The following ATP10B variants were observed in gnomAD, a reference collection of about 807,000 sequenced individuals.
ATP10B encodes the protein ATPase phospholipid transporting 10B (putative).
In ATP10B, 122 loss-of-function variants were observed where a neutral mutation model predicts 141.2. That is an observed-to-expected ratio of 0.86 (90% CI 0.75 to 1.00). The LOEUF (loss-of-function observed/expected upper bound fraction) is 1.00, where lower values mean the gene tolerates loss of function less well. Ranked by LOEUF, ATP10B falls within the 50% of genes least tolerant of loss-of-function variation. The pLI is 0.00. For missense variants in ATP10B, 1,876 were observed against 1,825.3 expected, an observed-to-expected ratio of 1.03 and a Z score of -0.51; for synonymous variants, 685 against 692.0, an observed-to-expected ratio of 0.99 and a Z score of 0.16.
intron 8 of ATP10B, among the ~76,000 whole-genome samples, chr5:160,648,136 C>T (rs1002864682): frequency 6.6e-6 from 1 of 152,146 alleles, no homozygotes; most frequent in African/African-American, 2.4e-5. Context: ...CTCAGATCAT[C>T]ATAATCCACA....
Position 160,653,592 on chromosome 5 carries a change from T to TATATATTAC in ATP10B, c.676-4337_676-4336insGTAATATAT, listed in dbSNP as rs1554100790. On this transcript the variant is annotated intron_variant, in intron 7 of 25. Coordinates refer to ENST00000327245, the MANE Select transcript of ATP10B (RefSeq NM_025153.3). ...ACATATACATATATACATATATACA[T>TATATATTAC]ATATACATATATACATATATACATA... Among the ~76,000 whole-genome samples the TATATATTAC allele has an allele frequency of 2.7e-3, 20 of 7,314 alleles. 1 individual carries two copies. The highest frequency in any genetic ancestry group is 4.4e-3 in the African/African-American group (18 of 4,062). The allele number at this position is 7,314 out of a possible 152,430, so 4.8% of individuals were successfully genotyped here.
In ATP10B at chr5:160,598,863, C is replaced by G; in HGVS notation, c.3471G>C (p.Leu1157Phe). The change falls in exon 22 of 26, where the codon TTG becomes TTC. Residue 1157 changes from leucine to phenylalanine, a missense_variant. Physicochemically the swap from Leu to Phe is conservative, Grantham distance 22. Coordinates refer to ENST00000327245, the MANE Select transcript of ATP10B (RefSeq NM_025153.3). Reference protein sequence around the residue: ...MIFFNLFFTSLPPLVFGVLDK... With the variant: ...MIFFNLFFTSFPPLVFGVLDK... ...CAAGGACTCCAAAGACAAGAGGAGG[C>G]AAGGAGGTAAAGAAGAGATTGAAGA... is the stretch of plus-strand genomic sequence containing the variant. 6.2e-7 allele frequency: 1 copy of G among 1,614,074 alleles called. No homozygotes were observed. The highest frequency in any genetic ancestry group is 8.5e-7 in the Non-Finnish European group (1 of 1,179,980).
rs775745245 is a variant in ATP10B at position 160,603,948 on chromosome 5, G to C, written c.3237+17C>G. The C allele has an allele frequency of 1.9e-6, 3 of 1,600,366 alleles. No individual in the cohort carries two copies. The East Asian group carries it at 6.7e-5, about 36-fold the overall frequency. On this transcript the variant is annotated intron_variant, in intron 20 of 25. Transcript: ENST00000327245. The stretch of plus-strand genomic sequence containing the variant: ...ACTAAGGACCAAAGAAAGAAGAATA[G>C]TTGCAGAGAACAATACCTGCATGCC...
intron 1 of ATP10B, among the ~76,000 whole-genome samples, chr5:160,829,116 G>A (rs1366175725): frequency 6.6e-6 from 1 of 150,766 alleles, no homozygotes; most frequent in African/African-American, 2.4e-5. Context: ...TAAATGATGA[G>A]TTAATTGGTA....
At chr5:160,795,076 A>G (rs1771845139) in intron 1 of ATP10B, among the ~76,000 whole-genome samples, 1 of 152,194 alleles carries the variant, frequency 6.6e-6, no homozygotes, top group African/African-American at 2.4e-5. Context: ...ACTGACTGTA[A>G]GGTTGGAGGT....
intron 24 of ATP10B, among the ~76,000 whole-genome samples, chr5:160,577,467 C>T (rs895439811): frequency 3.3e-5 from 5 of 152,118 alleles, no homozygotes; most frequent in African/African-American, 9.7e-5. Context: ...ATGTGCCCAC[C>T]CTGGACCAAT....
Position 160,602,824 on chromosome 5 carries a change from T to C in ATP10B, c.3238-122A>G. The C allele has an allele frequency of 2.2e-6, 3 of 1,376,944 alleles. No homozygotes were observed. In the East Asian group the frequency reaches 7.4e-5, roughly 34 times the overall value. 85.3% of individuals were successfully genotyped at this position (1,376,944 alleles called of 1,614,324 possible). A position where few individuals can be genotyped will look rare whatever the true frequency, so the allele number is the denominator to read the frequency against. On this transcript the variant is annotated intron_variant, in intron 20 of 25. Coordinates refer to ENST00000327245, the MANE Select transcript of ATP10B (RefSeq NM_025153.3). ...CAGCAGAGTCCTAAAGACCCCTTGT[T>C]GTGGTCACTCTTGGGTAGCTTTTTG...
chr5:160,678,068 G>A (rs1278337831), intron 6 of ATP10B, among the ~76,000 whole-genome samples: 1 of 152,064 alleles, frequency 6.6e-6, no homozygotes, highest in Non-Finnish European at 1.5e-5. Context: ...AGTGTGCTGT[G>A]GCCAGAAATA....
chr5:160,842,793 T>G (rs1179698675), intron 1 of ATP10B, among the ~76,000 whole-genome samples: 1 of 151,658 alleles, frequency 6.6e-6, no homozygotes, highest in Non-Finnish European at 1.5e-5. Context: ...ATTGAATTCA[T>G]TATTTAAAAC....
chr5:160,842,338 T>C lies in ATP10B; in HGVS notation c.-576+9603A>G, dbSNP rs114554355. On this transcript the variant is annotated intron_variant, in intron 1 of 25. Transcript: ENST00000327245. ...TATGGGATGCACCTAAAGCTATGAT[T>C]GGGGAAACGATAGCCTTAAATGCCT... Among the ~76,000 whole-genome samples, 914 of 152,182 alleles carry C rather than the reference T, an allele frequency of 6.0e-3. 13 individuals are homozygous for C. The highest frequency in any genetic ancestry group is 0.021 in the African/African-American group (870 of 41,536).
chr5:160,683,939 A>G (rs1361677016), intron 6 of ATP10B, among the ~76,000 whole-genome samples: 5 of 152,258 alleles, frequency 3.3e-5, no homozygotes, highest in Admixed American at 1.3e-4. Flanking sequence ...CATTTGCTCA[A>G]TGAAACCTTT....
At chr5:160,582,836 A>G (rs1755643178) in intron 24 of ATP10B, among the ~76,000 whole-genome samples, 1 of 151,976 alleles carries the variant, frequency 6.6e-6, no homozygotes, top group Non-Finnish European at 1.5e-5. Context: ...TTTATCTTCA[A>G]TCTCTGATAT....
At chr5:160,896,270 T>C in the ATP10B span, among the ~76,000 whole-genome samples, 2 of 151,420 alleles carry the variant, frequency 1.3e-5, no homozygotes, top group Non-Finnish European at 2.9e-5. Flanking sequence ...ATCCAGGAAC[T>C]TGTTTTTTGA....
chr5:160,844,459 GA>G (rs1310548490), intron 1 of ATP10B, among the ~76,000 whole-genome samples: 1 of 152,020 alleles, frequency 6.6e-6, no homozygotes, highest in African/African-American at 2.4e-5. Context: ...AGTGTCGTAG[GA>G]ATTTTTTCAC....
intron 2 of ATP10B, among the ~76,000 whole-genome samples, chr5:160,729,648 G>A (rs1766601667): frequency 6.6e-6 from 1 of 152,212 alleles, no homozygotes; most frequent in Non-Finnish European, 1.5e-5. Flanking sequence ...GGTTTTATTG[G>A]ACTCGAAACA....
intron 2 of ATP10B, among the ~76,000 whole-genome samples, chr5:160,784,729 C>T (rs1385539638): frequency 6.6e-6 from 1 of 152,108 alleles, no homozygotes; most frequent in Non-Finnish European, 1.5e-5. Flanking sequence ...CCTGCTTTCT[C>T]TGCCATGATG....
chr5:160,612,986 C>G, intron 17 of ATP10B, 61 bp from the exon 18 acceptor site: 1 of 1,504,772 alleles, frequency 6.6e-7, no homozygotes, highest in Non-Finnish European at 9.0e-7. Context: ...GCTTAATTCC[C>G]CCAAAGCCAT....
chr5:160,600,207 A>C (rs1347358663), intron 21 of ATP10B, among the ~76,000 whole-genome samples: 1 of 152,216 alleles, frequency 6.6e-6, no homozygotes, highest in African/African-American at 2.4e-5. Flanking sequence ...GATATTAACA[A>C]TAATATTAAC....
intron 24 of ATP10B, among the ~76,000 whole-genome samples, chr5:160,569,897 G>A (rs191094571): frequency 4.6e-5 from 7 of 152,290 alleles, no homozygotes; most frequent in Admixed American, 2.0e-4. Context: ...ACCCTATTCT[G>A]TCTCACCCCT....
Sources: allele counts gnomAD v4.1 joint callset (sites outside exome capture counted in the v4.1 genomes callset), GRCh38; gene constraint gnomAD v4.1.1; transcripts MANE v1.5; gene names NCBI Gene and HGNC (gene_info 2026-07-23, HGNC 2026-07-21).